Variants in SLIT3 observed in about 807,000 individuals in gnomAD.
SLIT3 encodes the protein slit guidance ligand 3.
A neutral mutation model predicts 184.0 loss-of-function variants in SLIT3; 68 were observed. The ratio of observed to expected loss-of-function variants is 0.37; its 90% confidence interval spans 0.30 to 0.45. SLIT3 has a LOEUF of 0.45. Ranked by LOEUF, SLIT3 falls within the 20% of genes least tolerant of loss-of-function variation. The probability of loss-of-function intolerance (pLI) is 1.00; values close to 1 mark genes in which losing one functional copy is unlikely to be tolerated. For missense variants in SLIT3, 1,707 were observed against 2,026.0 expected (o/e 0.84, Z 3.02); for synonymous variants, 831 against 828.6 (o/e 1.00, Z -0.05).
chr5:168,786,724 G>GGTCT (rs1170279717), intron 11 of SLIT3, among the ~76,000 whole-genome samples: 1 of 152,018 alleles, frequency 6.6e-6, no homozygotes, highest in Non-Finnish European at 1.5e-5. Context: ...AAGGCTACTG[G>GGTCT]GTCTCCCACT....
chr5:168,910,812 CAT>C (rs1227417912), intron 4 of SLIT3, among the ~76,000 whole-genome samples: 9 of 151,652 alleles, frequency 5.9e-5, no homozygotes, highest in African/African-American at 2.2e-4. Context: ...TAATAACAAA[CAT>C]ATCTGTATGC....
Position 168,753,056 on chromosome 5 carries a change from GGT to G in SLIT3, c.1870_1871del (p.Thr624LeufsTer14). Reference sequence around the variant, plus strand: ...GTCTCACCGAACTCAGGCCGGCAAAGGTGTCATTACTCACACAGCCGATCAAG... The same window carrying G: ...GTCTCACCGAACTCAGGCCGGCAAAGGTCATTACTCACACAGCCGATCAAG... ...SNLIGCVSND[T>X]FAGLSSVRLL... On this transcript the variant is annotated frameshift_variant, in exon 18 of 36. Transcript: ENST00000519560. LOFTEE classifies it high-confidence loss of function. The G allele has an allele frequency of 1.9e-6, 3 of 1,614,148 alleles. No individual in the cohort carries two copies. Among genetic ancestry groups the G allele is most frequent in the Non-Finnish European group, 2.5e-6 (3 of 1,180,016 alleles).
chr5:169,059,876 T>C (rs568493610), intron 4 of SLIT3, among the ~76,000 whole-genome samples: 2 of 152,296 alleles, frequency 1.3e-5, no homozygotes, highest in South Asian at 4.1e-4. Flanking sequence ...CAAAGTGATA[T>C]GTTAAGAGGC....
At position 168,734,733 on chromosome 5, in the gene SLIT3, C is replaced by T. The variant is rs1311792943; in HGVS notation, c.2271-10249G>A. Among the ~76,000 whole-genome samples the T allele has an allele frequency of 2.6e-5, 4 of 152,258 alleles. No individual in the cohort carries two copies. In the East Asian group the frequency reaches 5.8e-4, roughly 22 times the overall value. ...ATTTGACCCCCATGGTGACATCTTT[C>T]GTGTGATTCTGTGATTAATGTGGGC... On this transcript the variant is annotated intron_variant, in intron 20 of 35. Transcript: ENST00000519560.
chr5:169,038,775 T>TG (rs113418783), intron 4 of SLIT3, among the ~76,000 whole-genome samples: 41,232 of 151,912 alleles, frequency 0.27, 7,276 homozygotes, highest in East Asian at 0.55. Flanking sequence ...TGGCACCACA[T>TG]TGTTCAGTGG....
chr5:169,044,597 G>GA (rs1757563709), intron 4 of SLIT3, among the ~76,000 whole-genome samples: 1 of 135,214 alleles, frequency 7.4e-6, no homozygotes, highest in Non-Finnish European at 1.6e-5. Flanking sequence ...TGGGGGGGGG[G>GA]ATGGGGAGAA....
At chr5:169,203,351 G>GCACACACACACACACA (rs36206656) in intron 3 of SLIT3, among the ~76,000 whole-genome samples, 72 of 147,524 alleles carry the variant, frequency 4.9e-4, no homozygotes, top group African/African-American at 1.7e-3. Context: ...ATGTGAATGT[G>GCACACACACACACACA]CACACACACA....
intron 4 of SLIT3, among the ~76,000 whole-genome samples, chr5:169,040,669 A>G (rs1757417176): frequency 6.6e-6 from 1 of 152,164 alleles, no homozygotes; most frequent in Admixed American, 6.5e-5. Flanking sequence ...CCATTCCCCT[A>G]TGGAACTGTC....
chr5:168,826,056 G>T (rs1233394044), intron 6 of SLIT3, among the ~76,000 whole-genome samples: 1 of 152,138 alleles, frequency 6.6e-6, no homozygotes, highest in African/African-American at 2.4e-5. Flanking sequence ...TCAACATCAG[G>T]TGGAGTTCAC....
intron 1 of SLIT3, among the ~76,000 whole-genome samples, chr5:169,276,054 G>A (rs951718025): frequency 2.6e-5 from 4 of 152,098 alleles, no homozygotes; most frequent in African/African-American, 9.7e-5. Flanking sequence ...GCGAAGTCTT[G>A]CCTCCTCAAT....
intron 4 of SLIT3, among the ~76,000 whole-genome samples, chr5:168,997,387 G>A (rs1473886859): frequency 6.6e-6 from 1 of 152,198 alleles, no homozygotes; most frequent in East Asian, 1.9e-4. Context: ...CCTGGAAAGA[G>A]GATTTGGGGT....
chr5:169,046,016 T>A (rs1757610935), intron 4 of SLIT3, among the ~76,000 whole-genome samples: 1 of 152,182 alleles, frequency 6.6e-6, no homozygotes, highest in Non-Finnish European at 1.5e-5. Flanking sequence ...ATGATTGAAT[T>A]TATCACTTGA....
At chr5:168,882,473 G>T (rs1027114138) in intron 5 of SLIT3, among the ~76,000 whole-genome samples, 3 of 152,170 alleles carry the variant, frequency 2.0e-5, no homozygotes, top group Admixed American at 1.3e-4. Flanking sequence ...AAATCTGCAC[G>T]TGATGAAATC....
At chr5:169,186,716 C>A (rs1191911578) in intron 4 of SLIT3, among the ~76,000 whole-genome samples, 1 of 152,128 alleles carries the variant, frequency 6.6e-6, no homozygotes, top group African/African-American at 2.4e-5. Flanking sequence ...TACGCGACAC[C>A]TGTGATAAAA....
Position 168,666,878 on chromosome 5 carries a change from GCTCT to G in SLIT3, c.4337-193_4337-190del, listed in dbSNP as rs375723081. The G allele has an allele frequency of 1.7e-5, 15 of 893,810 alleles. No individual in the cohort carries two copies. The Middle Eastern group carries it at 8.4e-4, about 50-fold the overall frequency. The allele number at this position is 893,810 out of a possible 1,614,324, so 55.4% of individuals were successfully genotyped here. The stretch of plus-strand genomic sequence containing the variant: ...CAAACAGGTGCCTTTCCTGTACCAG[GCTCT>G]CTGACAGGCTTACACCTAAGCCGTG... On this transcript the variant is annotated intron_variant, in intron 35 of 35. Transcript: ENST00000519560.
chr5:169,263,514 G>T, intron 1 of SLIT3: 1 of 410,488 alleles, frequency 2.4e-6, no homozygotes, highest in South Asian at 1.8e-5. Flanking sequence ...AAGGAGCCTG[G>T]CCCTGATGAC....
chr5:168,832,668 C>T (rs1035685719), intron 6 of SLIT3, among the ~76,000 whole-genome samples: 3 of 152,140 alleles, frequency 2.0e-5, no homozygotes, highest in Non-Finnish European at 2.9e-5. Flanking sequence ...TAAATGGGAT[C>T]GTCACTTCTT....
chr5:169,019,894 T>C (rs985013972), intron 4 of SLIT3, among the ~76,000 whole-genome samples: 1 of 152,248 alleles, frequency 6.6e-6, no homozygotes, highest in Non-Finnish European at 1.5e-5. Context: ...CATAACTTTT[T>C]CAGTTCTTTG....
At chr5:169,085,529 G>A (rs759443346) in intron 4 of SLIT3, among the ~76,000 whole-genome samples, 12 of 152,112 alleles carry the variant, frequency 7.9e-5, no homozygotes, top group Non-Finnish European at 1.3e-4. Context: ...ACTTTTAATT[G>A]TCCAGATCCA....
Sources: gnomAD v4.1 joint callset for allele counts (sites outside exome capture counted in the v4.1 genomes callset) on GRCh38, gnomAD v4.1.1 for gene constraint, MANE v1.5 for transcripts, NCBI Gene and HGNC (gene_info 2026-07-23, HGNC 2026-07-21) for gene names.